The following KAT6A variants were observed in gnomAD, a reference collection of about 807,000 sequenced individuals.
KAT6A encodes histone acetyltransferase KAT6A.
Under a neutral mutation model 198.4 loss-of-function variants are expected in KAT6A, and 9 were observed. The ratio of observed to expected loss-of-function variants is 0.05; its 90% CI spans 0.03 to 0.08. The LOEUF (loss-of-function observed/expected upper bound fraction) is 0.08, where lower values mean the gene tolerates loss of function less well. Ranked by LOEUF, KAT6A falls within the 10% of genes least tolerant of loss-of-function variation. KAT6A has a pLI of 1.00. For synonymous variants in KAT6A, 890 were observed against 883.0 expected (o/e 1.01, Z -0.14); for missense variants, 2,077 against 2,509.9 (o/e 0.83, Z 3.69).
At chr8:42,008,548 A>G (rs575124413) in intron 2 of KAT6A, among the ~76,000 whole-genome samples, 11 of 152,222 alleles carry the variant, frequency 7.2e-5, no homozygotes, top group African/African-American at 2.6e-4. Context: ...CACGTTGCCC[A>G]GGCTGGTCTC....
intron 2 of KAT6A, among the ~76,000 whole-genome samples, chr8:42,024,702 C>T (rs1262411070): frequency 1.3e-5 from 2 of 152,072 alleles, no homozygotes; most frequent in African/African-American, 4.8e-5. Flanking sequence ...CTGTGGCTGG[C>T]TTATATCATT....
chr8:42,030,529 A>G (rs969453457), intron 2 of KAT6A, among the ~76,000 whole-genome samples: 1 of 151,942 alleles, frequency 6.6e-6, no homozygotes, highest in Admixed American at 6.6e-5. Context: ...AAGCCTCCTT[A>G]ATTTCACCTC....
rs530452276 is a variant in KAT6A, at chr8:42,005,339, C to A, written c.601-17776G>T. Among the ~76,000 whole-genome samples the A allele has an allele frequency of 2.0e-5, 3 of 152,142 alleles. 1 individual carries two copies. The highest frequency in any genetic ancestry group is 1.9e-4 in the East Asian group (1 of 5,202). ...TAAATATATTTCATCTTCAATACTACCTCCGTAACAGTATAAATAAAGCCT... is the reference window on the plus strand; with the variant it reads ...TAAATATATTTCATCTTCAATACTAACTCCGTAACAGTATAAATAAAGCCT... On this transcript the variant is annotated intron_variant, in intron 2 of 16. Coordinates refer to ENST00000265713, the MANE Select transcript of KAT6A (RefSeq NM_006766.5).
chr8:41,978,566 A>G, intron 6 of KAT6A, 76 bp downstream of exon 6: 2 of 1,462,192 alleles, frequency 1.4e-6, no homozygotes, highest in Non-Finnish European at 1.9e-6. Flanking sequence ...TTTTTCATAG[A>G]GAAAACAAGT....
At position 41,933,171 on chromosome 8, in the gene KAT6A, C is replaced by T. The variant is rs759107686; in HGVS notation, c.5049G>A (p.Pro1683=). 4.6e-5 allele frequency: 73 copies of T among 1,591,982 alleles called. No individual in the cohort carries two copies. The highest frequency in any genetic ancestry group is 5.6e-5 in the Non-Finnish European group (66 of 1,169,704). The change falls in exon 17 of 17, where the codon CCG becomes CCA. Residue 1683 remains proline (P), a synonymous_variant. Transcript: ENST00000265713. The surrounding 1 kb of genome is among the most constrained non-coding windows in gnomAD (Gnocchi z 6.2). ...GTGGAGGCTGCTGGGGCTGAGGCTG[C>T]GGCTGCTGTTGCGGCTGCTGCTGGG... ...PPPQQQPQQQ[P]QPQPQQPPPP...
At chr8:41,962,844 G>A (rs1430590699) in intron 8 of KAT6A, among the ~76,000 whole-genome samples, 1 of 152,074 alleles carries the variant, frequency 6.6e-6, no homozygotes, top group Non-Finnish European at 1.5e-5. Flanking sequence ...CCTTGATCAT[G>A]CCAAGCACAA....
At chr8:42,047,767 T>C (rs1419451892) in intron 2 of KAT6A, among the ~76,000 whole-genome samples, 1 of 152,154 alleles carries the variant, frequency 6.6e-6, no homozygotes. Flanking sequence ...ACTACAGCTG[T>C]CATAAATAGC....
intron 8 of KAT6A, among the ~76,000 whole-genome samples, chr8:41,956,112 G>A (rs1454735871): frequency 6.6e-6 from 1 of 152,086 alleles, no homozygotes; most frequent in African/African-American, 2.4e-5. Context: ...TATCTAAACA[G>A]AGAATAATTT....
At position 41,961,862 on chromosome 8, in the gene KAT6A, T is replaced by C. The variant is rs576685973; in HGVS notation, c.1483-6451A>G. On this transcript the variant is annotated intron_variant, in intron 8 of 16. Coordinates refer to ENST00000265713, the MANE Select transcript of KAT6A (RefSeq NM_006766.5). The stretch of plus-strand genomic sequence containing the variant: ...AAAACCTCAAAACAATGGCCACATA[T>C]TACTACTATAACCAATTTCTCCTTC... Among the ~76,000 whole-genome samples, 621 of 152,086 alleles carry C rather than the reference T, an allele frequency of 4.1e-3. 4 individuals carry two copies. The highest frequency in any genetic ancestry group is 0.014 in the Middle Eastern group (4 of 294).
At chr8:41,981,544 C>T (rs1011569427) in intron 4 of KAT6A, among the ~76,000 whole-genome samples, 2 of 152,030 alleles carry the variant, frequency 1.3e-5, no homozygotes, top group African/African-American at 4.8e-5. Flanking sequence ...ATCAACTGAC[C>T]ATCCTAAATG....
chr8:41,989,969 C>T (rs1824846226), intron 2 of KAT6A, among the ~76,000 whole-genome samples: 1 of 151,866 alleles, frequency 6.6e-6, no homozygotes, highest in Non-Finnish European at 1.5e-5. Flanking sequence ...AAGACTACCA[C>T]ATCCTTTCCT....
At position 42,039,878 on chromosome 8, in the gene KAT6A, C is replaced by A. The variant is rs368393771; in HGVS notation, c.600+8500G>T. ...CCTCCCAAGTAGCTGGGACTACAGGCGCCCACCACAATGCCTGGCTAATAT... is the reference window on the plus strand; with the variant it reads ...CCTCCCAAGTAGCTGGGACTACAGGAGCCCACCACAATGCCTGGCTAATAT... On this transcript the variant is annotated intron_variant, in intron 2 of 16. Transcript: ENST00000265713. 4.6e-5 allele frequency among the ~76,000 whole-genome samples: 7 copies of A among 150,724 alleles called. No homozygotes were observed. In the South Asian group the frequency reaches 1.0e-3, roughly 22 times the overall value.
rs764763643 is a variant in KAT6A at position 41,932,936 on chromosome 8, T to C, written c.5284A>G (p.Thr1762Ala). The C allele has an allele frequency of 6.2e-7, 1 of 1,613,840 alleles. No homozygotes were observed. The highest frequency in any genetic ancestry group is 1.1e-5 in the South Asian group (1 of 91,064). Residue 1762 changes from threonine (T) to alanine (A), a missense_variant, in exon 17 of 17, where the codon ACC (threonine) becomes GCC (alanine). Thr to Ala is a moderately conservative substitution (Grantham distance 58, BLOSUM62 0). Around this residue, in one of 13 missense-constraint regions of KAT6A, gnomAD observed 500 missense variants for 577.2 expected, o/e 0.87. Coordinates refer to ENST00000265713, the MANE Select transcript of KAT6A (RefSeq NM_006766.5). ...GGCATGGCATGAGGGTCCATAATGG[T>C]GTTGGTCAGCTGCTGCAGCTTGGCT... ...SLAKLQQLTN[T>A]IMDPHAMPYS...
intron 8 of KAT6A, among the ~76,000 whole-genome samples, chr8:41,962,100 T>C (rs1047423890): frequency 6.6e-6 from 1 of 152,214 alleles, no homozygotes; most frequent in South Asian, 2.1e-4. Context: ...TTCATGTTTT[T>C]TTTCCTACTT....
chr8:42,021,530 G>T (rs1192212978), intron 2 of KAT6A, among the ~76,000 whole-genome samples: 1 of 152,156 alleles, frequency 6.6e-6, no homozygotes. Context: ...GGAGAATTAA[G>T]TAATTTAAAG....
intron 2 of KAT6A, among the ~76,000 whole-genome samples, chr8:42,035,668 T>G (rs989436056): frequency 1.3e-5 from 2 of 152,216 alleles, no homozygotes; most frequent in Non-Finnish European, 2.9e-5. Flanking sequence ...TAAATGCAGC[T>G]GAGAACTCAG....
rs780955932 is a variant in KAT6A, at chr8:41,934,032, G to A, written c.4188C>T (p.His1396=). The change falls in exon 17 of 17, where the codon CAC becomes CAT. Residue 1396 remains histidine (H), a synonymous_variant. Transcript: ENST00000265713. ...SEQMAGSEDD[H]EEDSHTKEEL... The stretch of plus-strand genomic sequence containing the variant: ...CTTCCTTAGTGTGGGAGTCTTCTTC[G>A]TGGTCGTCCTCAGACCCAGCCATCT... 5.6e-6 allele frequency: 9 copies of A among 1,613,880 alleles called. No individual in the cohort carries two copies. The highest frequency in any genetic ancestry group is 1.6e-4 in the Middle Eastern group (1 of 6,084).
chr8:41,933,852 C>A lies in KAT6A; in HGVS notation c.4368G>T (p.Leu1456=), dbSNP rs770971712. 3.3e-5 allele frequency: 53 copies of A among 1,614,034 alleles called. No homozygotes were observed. Among genetic ancestry groups the A allele is most frequent in the Non-Finnish European group, 2.2e-5 (26 of 1,180,018 alleles). The change falls in exon 17 of 17, where the codon CTG becomes CTT. Residue 1456 remains leucine (L), a synonymous_variant. Coordinates refer to ENST00000265713, the MANE Select transcript of KAT6A (RefSeq NM_006766.5). This position sits in a 1 kb window ranked among gnomAD's most constrained non-coding sequence, Gnocchi z 6.2. ...CEETLAACQT[L]QSYTQADEDP... ...CCTCGTCAGCCTGGGTGTAACTCTG[C>A]AGGGTCTGACACGCCGCAAGAGTTT... is the stretch of plus-strand genomic sequence containing the variant.
chr8:41,941,256 G>A lies in KAT6A; in HGVS notation c.2625C>T (p.Thr875=), dbSNP rs1407772451. 2 of 1,614,052 alleles carry A rather than the reference G, an allele frequency of 1.2e-6. No individual in the cohort carries two copies. The highest frequency in any genetic ancestry group is 1.7e-6 in the Non-Finnish European group (2 of 1,180,006). Residue 875 remains threonine, a synonymous_variant, in exon 15 of 17, where the codon ACC becomes ACT. Coordinates refer to ENST00000265713, the MANE Select transcript of KAT6A (RefSeq NM_006766.5). ...AATCTTTATCACCAAAACGTTCCTG[G>A]GTTTTTCTGTTCTTCCTCCCCCAGC... The part of the protein sequence containing the change: ...RGRWGRKNRK[T]QERFGDKDSK...
Sources: allele counts gnomAD v4.1 joint callset (sites outside exome capture counted in the v4.1 genomes callset), GRCh38; gene constraint gnomAD v4.1.1; regional missense constraint gnomAD v4.1.1; non-coding constraint Gnocchi (gnomAD v3.1); transcripts MANE v1.5; gene names NCBI Gene and HGNC (gene_info 2026-07-23, HGNC 2026-07-21).